Variants in MYOCD observed in about 807,000 individuals in gnomAD.
MYOCD encodes myocardin.
Under a neutral mutation model 96.1 loss-of-function variants are expected in MYOCD, and 32 were observed. That is an observed-to-expected ratio of 0.33 (90% CI 0.25 to 0.45). MYOCD has a LOEUF of 0.45. Ranked by LOEUF, MYOCD falls within the 20% of genes least tolerant of loss-of-function variation. The pLI is 1.00. For synonymous variants in MYOCD, 469 were observed against 469.0 expected (o/e 1.00, Z 0.00); for missense variants, 1,133 against 1,200.6 (o/e 0.94, Z 0.83).
chr17:12,744,561 GT>G, intron 8 of MYOCD, 125 bp downstream of exon 8: 2 of 1,330,650 alleles, frequency 1.5e-6, no homozygotes, highest in Non-Finnish European at 2.0e-6. Flanking sequence ...CATCCAGTAT[GT>G]TTGGAAGGTG....
At chr17:12,678,664 ATATTTT>A (rs1032598031) in intron 1 of MYOCD, among the ~76,000 whole-genome samples, 31 of 152,026 alleles carry the variant, frequency 2.0e-4, no homozygotes, top group African/African-American at 7.2e-4. Context: ...ATATTCATTA[ATATTTT>A]TATTTTTTTG....
At chr17:12,747,571 G>T (rs1280082291) in intron 9 of MYOCD, among the ~76,000 whole-genome samples, 1 of 152,040 alleles carries the variant, frequency 6.6e-6, no homozygotes, top group Admixed American at 6.6e-5. Context: ...GAACCTAGAA[G>T]GGTGAATGAG....
chr17:12,681,443 TAGG>T (rs1453266225), intron 1 of MYOCD, among the ~76,000 whole-genome samples: 1 of 152,168 alleles, frequency 6.6e-6, no homozygotes, highest in African/African-American at 2.4e-5. Context: ...GTGTGGTGCT[TAGG>T]GAAAGAATAG....
intron 2 of MYOCD, among the ~76,000 whole-genome samples, chr17:12,706,508 A>G (rs1184257039): frequency 6.6e-6 from 1 of 152,204 alleles, no homozygotes; most frequent in Admixed American, 6.5e-5. Flanking sequence ...AGTGGAGCAA[A>G]TGGACCTGCA....
At chr17:12,708,518 G>A (rs376633838) in intron 2 of MYOCD, among the ~76,000 whole-genome samples, 37 of 151,678 alleles carry the variant, frequency 2.4e-4, no homozygotes, top group African/African-American at 7.5e-4. Context: ...CTCAGCCTCC[G>A]AGTAGCTGGG....
chr17:12,671,570 C>T (rs1204904582), intron 1 of MYOCD, among the ~76,000 whole-genome samples: 1 of 152,118 alleles, frequency 6.6e-6, no homozygotes, highest in Non-Finnish European at 1.5e-5. Context: ...GTGTCATGAA[C>T]CAAGGATTGT....
At chr17:12,709,749 A>C (rs1361302917) in intron 2 of MYOCD, among the ~76,000 whole-genome samples, 3 of 152,152 alleles carry the variant, frequency 2.0e-5, no homozygotes, top group Non-Finnish European at 4.4e-5. Flanking sequence ...GCAAGAGAAC[A>C]TCAAGGTTCT....
chr17:12,708,950 C>T (rs2150677441), intron 2 of MYOCD, among the ~76,000 whole-genome samples: 1 of 152,196 alleles, frequency 6.6e-6, no homozygotes, highest in Admixed American at 6.5e-5. Context: ...TCAGTTAGAA[C>T]TTAGAAAATT....
At position 12,754,061 on chromosome 17, in the gene MYOCD, G is replaced by GGT. The variant is rs71144923; in HGVS notation, c.2058+728_2058+729dup. On this transcript the variant is annotated intron_variant, in intron 10 of 13. Coordinates refer to ENST00000425538, the MANE Select transcript of MYOCD (RefSeq NM_001146312.3). ...ACATCTTATGGAGAAAAAGCAAAGA[G>GGT]GTGTGTGTGTGTGTATGTGTGTGTG... Among the ~76,000 whole-genome samples, 124 of 149,582 alleles carry GGT rather than the reference G, an allele frequency of 8.3e-4. 1 individual carries two copies. The highest frequency in any genetic ancestry group is 2.7e-3 in the East Asian group (14 of 5,120).
At chr17:12,744,561 G>A in intron 8 of MYOCD, 125 bp downstream of exon 8, 1 of 1,330,648 alleles carries the variant, frequency 7.5e-7, no homozygotes, top group East Asian at 2.5e-5. Flanking sequence ...CATCCAGTAT[G>A]TTTGGAAGGT....
chr17:12,698,516 G>A (rs939127545), intron 1 of MYOCD, among the ~76,000 whole-genome samples: 5 of 152,122 alleles, frequency 3.3e-5, no homozygotes, highest in African/African-American at 1.2e-4. Flanking sequence ...ATTCACCACT[G>A]TATGCCAACA....
At position 12,764,038 on chromosome 17, in the gene MYOCD, C is replaced by CT. The variant is rs2033265400; in HGVS notation, c.*398dup. The CT allele has an allele frequency of 6.3e-6, 1 of 158,454 alleles. No homozygotes were observed. The highest frequency in any genetic ancestry group is 1.4e-5 in the Non-Finnish European group (1 of 72,622). The allele number at this position is 158,454 out of a possible 1,614,324, so 9.8% of individuals were successfully genotyped here. The stretch of plus-strand genomic sequence containing the variant: ...ACATAACGTGGAAGGAAAACGTAGT[C>CT]TTTTGGGAGTACAGGGAAGCCAGCC... On this transcript the variant is annotated 3_prime_UTR_variant, in exon 14 of 14. Coordinates refer to ENST00000425538, the MANE Select transcript of MYOCD (RefSeq NM_001146312.3).
rs1236894882 is a variant in MYOCD at position 12,735,431 on chromosome 17, C to T, written c.416-730C>T. On this transcript the variant is annotated intron_variant, in intron 5 of 13. Coordinates refer to ENST00000425538, the MANE Select transcript of MYOCD (RefSeq NM_001146312.3). ...TCCCTTAGCAAAACCATGCAGGCGG[C>T]AGAGGAAGAGTCTCTGCTTGTGTGA... 4.6e-5 allele frequency among the ~76,000 whole-genome samples: 7 copies of T among 152,058 alleles called. No homozygotes were observed. In the East Asian group the frequency reaches 1.4e-3, roughly 30 times the overall value.
In MYOCD at chr17:12,763,224, T is replaced by C. The variant is rs1402894191; in HGVS notation, c.2541T>C (p.Tyr847=). The part of the protein sequence containing the change: ...SSGSQIPFDP[Y]ATDSDEHLEV... ...GCAGCCAGATCCCCTTTGATCCCTA[T>C]GCCACCGACAGTGATGAGCATCTTG... Residue 847 remains tyrosine, a synonymous_variant, in exon 14 of 14, where the codon TAT becomes TAC. Transcript: ENST00000425538. 6.2e-7 allele frequency: 1 copy of C among 1,614,154 alleles called. No individual in the cohort carries two copies. The highest frequency in any genetic ancestry group is 8.5e-7 in the Non-Finnish European group (1 of 1,180,010).
intron 5 of MYOCD, among the ~76,000 whole-genome samples, chr17:12,733,330 A>G (rs953022753): frequency 6.9e-6 from 1 of 144,572 alleles, no homozygotes; most frequent in South Asian, 2.2e-4. Flanking sequence ...AAACAACCAA[A>G]TAGTAGAGAT....
At position 12,753,186 on chromosome 17, in the gene MYOCD, G is replaced by A. The variant is rs2032911013; in HGVS notation, c.1898G>A (p.Cys633Tyr). The A allele has an allele frequency of 6.2e-7, 1 of 1,614,118 alleles. No individual in the cohort carries two copies. Among genetic ancestry groups the A allele is most frequent in the African/African-American group, 1.3e-5 (1 of 75,018 alleles). The change falls in exon 10 of 14, where the codon TGT becomes TAT. Residue 633 changes from cysteine (C) to tyrosine (Y), a missense_variant. Coordinates refer to ENST00000425538, the MANE Select transcript of MYOCD (RefSeq NM_001146312.3). ...VLSSTFLSPQCSPQHSPLGAV... is the reference protein window; with the variant it reads ...VLSSTFLSPQYSPQHSPLGAV... ...TCTTCCACATTTCTCAGCCCCCAGT[G>A]TTCCCCTCAGCATTCACCGCTGGGG...
intron 1 of MYOCD, among the ~76,000 whole-genome samples, chr17:12,697,584 G>A (rs778872420): frequency 2.1e-4 from 31 of 151,194 alleles, no homozygotes; most frequent in African/African-American, 7.3e-4. Context: ...GGATGATCTC[G>A]ATCTCCTGAC....
At chr17:12,718,130 G>A (rs1011288571) in intron 4 of MYOCD, among the ~76,000 whole-genome samples, 3 of 152,196 alleles carry the variant, frequency 2.0e-5, no homozygotes, top group African/African-American at 7.2e-5. Flanking sequence ...TGTATTGGGT[G>A]TCTGCTAGGA....
intron 4 of MYOCD, among the ~76,000 whole-genome samples, chr17:12,718,377 G>C (rs1159326557): frequency 6.6e-6 from 1 of 152,184 alleles, no homozygotes; most frequent in Admixed American, 6.5e-5. Flanking sequence ...GCTGAGCCAG[G>C]TAGAAAAAGA....
Sources: gnomAD v4.1 joint callset for allele counts (sites outside exome capture counted in the v4.1 genomes callset) on GRCh38, gnomAD v4.1.1 for gene constraint, MANE v1.5 for transcripts, NCBI Gene and HGNC (gene_info 2026-07-23, HGNC 2026-07-21) for gene names.